RALYL: variants seen among roughly 807,000 people sequenced by gnomAD.
RALYL encodes the protein RALY RNA binding protein like, also known as RNA-binding Raly-like protein.
Under a neutral mutation model 35.1 loss-of-function variants are expected in RALYL, and 29 were observed. The observed-to-expected ratio is 0.83, with a 90% CI of 0.61 to 1.13. The LOEUF (loss-of-function observed/expected upper bound fraction) is 1.13. Ranked by LOEUF, RALYL falls within the 50% of genes most tolerant of loss-of-function variation. The pLI is 0.00. For missense variants in RALYL, 359 were observed against 360.4 expected (o/e 1.00, Z 0.03); for synonymous variants, 120 against 127.6 (o/e 0.94, Z 0.40).
At chr8:84,205,780 GT>G (rs1208198924) in intron 1 of RALYL, among the ~76,000 whole-genome samples, 1 of 152,148 alleles carries the variant, frequency 6.6e-6, no homozygotes, top group African/African-American at 2.4e-5. Flanking sequence ...TGAACATTGT[GT>G]TAGTTTACTA....
At chr8:84,478,822 C>T (rs2053701888) in intron 1 of RALYL, among the ~76,000 whole-genome samples, 1 of 151,380 alleles carries the variant, frequency 6.6e-6, no homozygotes. Flanking sequence ...CGCAGTGGCT[C>T]ACGCCTGTAA....
chr8:84,847,689 C>A (rs1433029856), intron 4 of RALYL, among the ~76,000 whole-genome samples: 1 of 152,164 alleles, frequency 6.6e-6, no homozygotes, highest in Non-Finnish European at 1.5e-5. Flanking sequence ...GACTGCCAGA[C>A]AAAAGTGGCT....
intron 2 of RALYL, among the ~76,000 whole-genome samples, chr8:84,760,281 G>T (rs899827769): frequency 6.6e-6 from 1 of 152,024 alleles, no homozygotes; most frequent in Non-Finnish European, 1.5e-5. Context: ...AACAGAGCAT[G>T]GTGGTAAAAA....
intron 2 of RALYL, among the ~76,000 whole-genome samples, chr8:84,619,994 T>A (rs1588562470): frequency 6.6e-6 from 1 of 152,144 alleles, no homozygotes; most frequent in South Asian, 2.1e-4. Flanking sequence ...CCTTTGAGGG[T>A]AACCCGACCT....
chr8:84,846,922 G>A (rs1237474218), intron 4 of RALYL, among the ~76,000 whole-genome samples: 1 of 152,082 alleles, frequency 6.6e-6, no homozygotes. Flanking sequence ...TTGATCTTTT[G>A]TGTAGATTTT....
rs73298125 is a variant in RALYL, at chr8:84,710,172, C to T, written c.257-64407C>T. 5.3e-3 allele frequency among the ~76,000 whole-genome samples: 802 copies of T among 152,264 alleles called. 7 individuals carry two copies. The highest frequency in any genetic ancestry group is 0.018 in the African/African-American group (763 of 41,564). On this transcript the variant is annotated intron_variant, in intron 2 of 8. Transcript: ENST00000521268. The stretch of plus-strand genomic sequence containing the variant: ...CTTCTTGTTGATAGATGGCCTTCAC[C>T]TGCACCTTCACACCTCTCTGTTGAA...
At chr8:84,214,114 C>T (rs1221601499) in intron 1 of RALYL, among the ~76,000 whole-genome samples, 3 of 151,910 alleles carry the variant, frequency 2.0e-5, no homozygotes, top group African/African-American at 7.3e-5. Flanking sequence ...GTACTTTAGG[C>T]CAATTATTTA....
At chr8:84,619,301 G>C (rs1023975279) in intron 2 of RALYL, among the ~76,000 whole-genome samples, 1 of 151,582 alleles carries the variant, frequency 6.6e-6, no homozygotes, top group African/African-American at 2.4e-5. Context: ...TATATATTTA[G>C]GATAGTTAGC....
chr8:84,862,932 A>G (rs533503560), intron 6 of RALYL, among the ~76,000 whole-genome samples: 1 of 152,344 alleles, frequency 6.6e-6, no homozygotes, highest in Admixed American at 6.5e-5. Flanking sequence ...GATAAGATAT[A>G]TGTATCTGAA....
chr8:84,583,989 G>A (rs146140766), intron 2 of RALYL, among the ~76,000 whole-genome samples: 1,855 of 152,218 alleles, frequency 0.012, 31 homozygotes, highest in African/African-American at 0.042. Flanking sequence ...TACATAGTAG[G>A]TGTATATATT....
chr8:84,656,685 A>G (rs943396717), intron 2 of RALYL, among the ~76,000 whole-genome samples: 1 of 152,130 alleles, frequency 6.6e-6, no homozygotes, highest in Non-Finnish European at 1.5e-5. Flanking sequence ...GTTACCCAAA[A>G]TTGAGTGTAG....
chr8:84,325,025 A>G (rs1463572440), intron 1 of RALYL, among the ~76,000 whole-genome samples: 2 of 152,142 alleles, frequency 1.3e-5, no homozygotes, highest in Non-Finnish European at 2.9e-5. Flanking sequence ...CCAGCCTTTT[A>G]ATAATCTTTC....
intron 2 of RALYL, among the ~76,000 whole-genome samples, chr8:84,763,541 G>A (rs16913254): frequency 0.013 from 1,920 of 152,224 alleles, 47 homozygotes; most frequent in African/African-American, 0.044. Context: ...GAGCATATTT[G>A]TCAAATTGTT....
At chr8:84,580,443 A>T (rs1810560093) in intron 2 of RALYL, among the ~76,000 whole-genome samples, 1 of 152,210 alleles carries the variant, frequency 6.6e-6, no homozygotes, top group Admixed American at 6.5e-5. Context: ...GTGGACCAGC[A>T]TGTGCAGAGA....
In RALYL at chr8:84,793,242, A is replaced by G. The variant is rs2133877300; in HGVS notation, c.333-11528A>G. 2.0e-5 allele frequency among the ~76,000 whole-genome samples: 3 copies of G among 152,320 alleles called. No individual in the cohort carries two copies. The South Asian group carries it at 6.2e-4, about 32-fold the overall frequency. ...AAAAGATAGAAAAGAGAAGAATTCCAAGGACTGAGCTCTACAACACTCTCA... is the reference window on the plus strand; with the variant it reads ...AAAAGATAGAAAAGAGAAGAATTCCGAGGACTGAGCTCTACAACACTCTCA... On this transcript the variant is annotated intron_variant, in intron 3 of 8. Transcript: ENST00000521268.
chr8:84,695,105 T>C (rs1375585324), intron 2 of RALYL, among the ~76,000 whole-genome samples: 2 of 151,798 alleles, frequency 1.3e-5, no homozygotes, highest in Admixed American at 6.6e-5. Context: ...ATTTTTATTA[T>C]AAAAGTTTTC....
chr8:84,852,602 A>C (rs1474203307), intron 5 of RALYL, among the ~76,000 whole-genome samples: 1 of 152,164 alleles, frequency 6.6e-6, no homozygotes, highest in Admixed American at 6.5e-5. Context: ...ATTTTCTATC[A>C]TATGACTTCC....
intron 1 of RALYL, among the ~76,000 whole-genome samples, chr8:84,288,872 C>T (rs1047280902): frequency 5.3e-5 from 8 of 151,830 alleles, no homozygotes; most frequent in Admixed American, 6.6e-5. Context: ...TAATATATAC[C>T]GTTTTATGCT....
At chr8:84,323,926 C>T (rs954553051) in intron 1 of RALYL, among the ~76,000 whole-genome samples, 5 of 152,000 alleles carry the variant, frequency 3.3e-5, no homozygotes, top group African/African-American at 9.7e-5. Context: ...TATATTGGAA[C>T]GTCACTACAG....
Sources: allele counts gnomAD v4.1 joint callset (sites outside exome capture counted in the v4.1 genomes callset), GRCh38; gene constraint gnomAD v4.1.1; transcripts MANE v1.5; gene names NCBI Gene and HGNC (gene_info 2026-07-23, HGNC 2026-07-21).